Variants in FNDC3B observed in about 807,000 individuals in gnomAD.
The protein encoded by FNDC3B is fibronectin type III domain-containing protein 3B.
A neutral mutation model predicts 151.5 loss-of-function variants in FNDC3B; 12 were observed. The observed-to-expected ratio is 0.08, with a 90% CI of 0.05 to 0.13. The LOEUF is 0.13. FNDC3B is among the 10% of genes least tolerant of loss of function. The pLI is 1.00. For synonymous variants in FNDC3B, 528 were observed against 549.0 expected (o/e 0.96, Z 0.54); for missense variants, 1,214 against 1,505.3 (o/e 0.81, Z 3.20).
chr3:172,159,807 T>G (rs1373843851), intron 3 of FNDC3B, among the ~76,000 whole-genome samples: 1 of 152,204 alleles, frequency 6.6e-6, no homozygotes, highest in Non-Finnish European at 1.5e-5. Context: ...AGTTAGCCAC[T>G]CGTTTGTGTA....
At chr3:172,053,451 T>C (rs1576820461) in intron 1 of FNDC3B, among the ~76,000 whole-genome samples, 2 of 152,314 alleles carry the variant, frequency 1.3e-5, no homozygotes, top group East Asian at 3.9e-4. Context: ...ATGCCTTCCA[T>C]GTGCTCAACC....
chr3:172,160,982 AT>A (rs1234986868), intron 3 of FNDC3B, among the ~76,000 whole-genome samples: 1 of 152,238 alleles, frequency 6.6e-6, no homozygotes, highest in Non-Finnish European at 1.5e-5. Flanking sequence ...ACAGCATAAG[AT>A]TACCAAAAAA....
intron 20 of FNDC3B, 103 bp downstream of exon 20, chr3:172,346,543 T>TG: frequency 1.7e-6 from 1 of 598,180 alleles, no homozygotes; most frequent in Non-Finnish European, 2.8e-6. Flanking sequence ...CACATATAGA[T>TG]GATTTTTTTT....
chr3:172,198,904 C>T lies in FNDC3B; in HGVS notation c.188-27967C>T, dbSNP rs1164342519. ...GCAGTGGTGTGATCATGGCTCTCTGCAGCCTTGGACTCCTGGGCTTAAAGT... is the reference window on the plus strand; with the variant it reads ...GCAGTGGTGTGATCATGGCTCTCTGTAGCCTTGGACTCCTGGGCTTAAAGT... On this transcript the variant is annotated intron_variant, in intron 3 of 25. Transcript: ENST00000415807. Among the ~76,000 whole-genome samples the T allele has an allele frequency of 3.9e-5, 6 of 152,100 alleles. No individual in the cohort carries two copies. In the East Asian group the frequency reaches 1.2e-3, roughly 29 times the overall value.
At chr3:172,264,333 G>A (rs994228752) in intron 6 of FNDC3B, among the ~76,000 whole-genome samples, 2 of 152,112 alleles carry the variant, frequency 1.3e-5, no homozygotes, top group African/African-American at 4.8e-5. Flanking sequence ...AAGGACAGCA[G>A]GTTCTATGGC....
rs1035796275 is a variant in FNDC3B at position 172,346,551 on chromosome 3, T to C, written c.2364+111T>C. The C allele has an allele frequency of 1.4e-5, 9 of 621,426 alleles. No individual in the cohort carries two copies. In the African/African-American group the frequency reaches 1.7e-4, roughly 12 times the overall value. 38.5% of individuals were successfully genotyped at this position (621,426 alleles called of 1,614,324 possible). The stretch of plus-strand genomic sequence containing the variant: ...CAAAATGCACATATAGATGATTTTT[T>C]TTTTTTTTTTGCTCTGTGTACTATA... On this transcript the variant is annotated intron_variant, in intron 20 of 25. Transcript: ENST00000415807.
intron 4 of FNDC3B, among the ~76,000 whole-genome samples, chr3:172,242,484 T>C (rs1236846842): frequency 6.6e-6 from 1 of 152,200 alleles, no homozygotes; most frequent in Non-Finnish European, 1.5e-5. Flanking sequence ...AATTCTTGAC[T>C]TCTGTGCACC....
intron 3 of FNDC3B, among the ~76,000 whole-genome samples, chr3:172,153,093 A>C (rs1722314185): frequency 6.6e-6 from 1 of 152,054 alleles, no homozygotes; most frequent in South Asian, 2.1e-4. Context: ...AGATTGGTTG[A>C]TGGGGTGTGC....
rs984882430 is a variant in FNDC3B, at chr3:172,307,451, C to G, written c.1150C>G (p.Pro384Ala). The change falls in exon 10 of 26, where the codon CCC becomes GCC. Residue 384 changes from proline to alanine, a missense_variant. Transcript: ENST00000415807. ...THSCAPECPFPPKLAHRSKSS... is the reference protein window; with the variant it reads ...THSCAPECPFAPKLAHRSKSS... ...CAGCTGTGCACCCGAGTGTCCTTTC[C>G]CCCCTAAGCTGGCACATAGGAGCAA... The G allele has an allele frequency of 2.8e-5, 45 of 1,613,936 alleles. No individual in the cohort carries two copies. Among genetic ancestry groups the G allele is most frequent in the Non-Finnish European group, 3.6e-5 (43 of 1,179,950 alleles).
chr3:172,239,053 A>ATT (rs202062580), intron 4 of FNDC3B, among the ~76,000 whole-genome samples: 2,240 of 94,698 alleles, frequency 0.024, 25 homozygotes, highest in African/African-American at 0.065. Context: ...TAATTAATTT[A>ATT]TTTTTTTTTT....
At chr3:172,252,628 AAG>A (rs1273583174) in intron 6 of FNDC3B, among the ~76,000 whole-genome samples, 3 of 152,012 alleles carry the variant, frequency 2.0e-5, no homozygotes, top group Non-Finnish European at 1.5e-5. Context: ...AGCTTCTGAC[AAG>A]AGAGAGGAAG....
intron 3 of FNDC3B, among the ~76,000 whole-genome samples, chr3:172,178,254 C>T (rs943909570): frequency 6.6e-6 from 1 of 152,034 alleles, no homozygotes; most frequent in African/African-American, 2.4e-5. Context: ...CAGGCAGAGG[C>T]TAAAGTGTCA....
intron 23 of FNDC3B, among the ~76,000 whole-genome samples, chr3:172,373,009 T>C (rs1408626910): frequency 2.0e-5 from 3 of 152,158 alleles, no homozygotes; most frequent in African/African-American, 7.2e-5. Flanking sequence ...TGTGCTCCAC[T>C]TCCTCCACCG....
Position 172,385,631 on chromosome 3 carries a change from T to G in FNDC3B, c.3303+4538T>G, listed in dbSNP as rs1267849916. Among the ~76,000 whole-genome samples, 3 of 151,162 alleles carry G rather than the reference T, an allele frequency of 2.0e-5. No individual in the cohort carries two copies. In the Admixed American group the frequency reaches 2.0e-4, roughly 10 times the overall value. ...TGGAGCACAGTGGCGTGATCTCGGC[T>G]CACTGCAAGGTCTGCCTCCCGGGTT... On this transcript the variant is annotated intron_variant, in intron 25 of 25. Transcript: ENST00000415807.
chr3:172,361,757 T>A (rs1024305425), intron 22 of FNDC3B, among the ~76,000 whole-genome samples: 1 of 152,150 alleles, frequency 6.6e-6, no homozygotes, highest in Non-Finnish European at 1.5e-5. Context: ...AATTTTCTTT[T>A]AGTTCATTTT....
chr3:172,369,438 A>G (rs1734777375), intron 23 of FNDC3B, among the ~76,000 whole-genome samples: 1 of 151,964 alleles, frequency 6.6e-6, no homozygotes, highest in Non-Finnish European at 1.5e-5. Context: ...CCATTTTAAT[A>G]CATTAATGTC....
At chr3:172,308,767 C>G (rs1480677603) in intron 10 of FNDC3B, among the ~76,000 whole-genome samples, 1 of 152,196 alleles carries the variant, frequency 6.6e-6, no homozygotes, top group Non-Finnish European at 1.5e-5. Flanking sequence ...CCCACCTTTT[C>G]AGAGTTTTAA....
chr3:172,389,014 G>A (rs576662651), intron 25 of FNDC3B, among the ~76,000 whole-genome samples: 6 of 152,246 alleles, frequency 3.9e-5, no homozygotes, highest in Non-Finnish European at 5.9e-5. Context: ...TTTCTCTTCC[G>A]CAGAAGGATG....
At chr3:172,294,461 A>T (rs1346018690) in intron 7 of FNDC3B, among the ~76,000 whole-genome samples, 1 of 152,172 alleles carries the variant, frequency 6.6e-6, no homozygotes, top group Non-Finnish European at 1.5e-5. Context: ...GAAGTGCCAC[A>T]CACTTTTAAA....
Sources: allele counts gnomAD v4.1 joint callset (sites outside exome capture counted in the v4.1 genomes callset), GRCh38; gene constraint gnomAD v4.1.1; transcripts MANE v1.5; gene names NCBI Gene and HGNC (gene_info 2026-07-23, HGNC 2026-07-21).